The following RABGAP1L variants were observed in gnomAD, a reference collection of about 807,000 sequenced individuals.
The protein encoded by RABGAP1L is RAB GTPase activating protein 1 like.
Under a neutral mutation model 137.7 loss-of-function variants are expected in RABGAP1L, and 63 were observed. That is an observed-to-expected ratio of 0.46 (90% CI 0.37 to 0.56). The LOEUF (loss-of-function observed/expected upper bound fraction) is 0.56, where lower values mean the gene tolerates loss of function less well. Among genes scored for constraint, RABGAP1L ranks in the 20% least tolerant of loss-of-function variants. The probability of loss-of-function intolerance (pLI) is 0.00; values close to 1 mark genes in which losing one functional copy is unlikely to be tolerated. For synonymous variants in RABGAP1L, 431 were observed against 433.7 expected, an observed-to-expected ratio of 0.99 and a Z score of 0.08; for missense variants, 1,095 against 1,244.0, an observed-to-expected ratio of 0.88 and a Z score of 1.80.
At chr1:174,539,154 A>C (rs1239509460) in intron 13 of RABGAP1L, among the ~76,000 whole-genome samples, 1 of 152,082 alleles carries the variant, frequency 6.6e-6, no homozygotes, top group Non-Finnish European at 1.5e-5. Flanking sequence ...ATACATATTT[A>C]TTATTTTTAT....
intron 19 of RABGAP1L, among the ~76,000 whole-genome samples, chr1:174,873,787 G>A: frequency 6.6e-6 from 1 of 152,192 alleles, no homozygotes. Flanking sequence ...GGGATTACAG[G>A]TGTGAGCCAC....
intron 18 of RABGAP1L, among the ~76,000 whole-genome samples, chr1:174,807,541 A>G (rs1375125220): frequency 1.3e-5 from 2 of 152,218 alleles, no homozygotes; most frequent in Admixed American, 1.3e-4. Context: ...TAATCTGCTT[A>G]TGGCATTACA....
At chr1:174,667,413 T>C (rs1360943338) in intron 14 of RABGAP1L, among the ~76,000 whole-genome samples, 1 of 152,208 alleles carries the variant, frequency 6.6e-6, no homozygotes, top group East Asian at 1.9e-4. Context: ...TGGGTTCAAA[T>C]GGTGATTCTA....
At chr1:174,622,416 G>T (rs1287627058) in intron 13 of RABGAP1L, among the ~76,000 whole-genome samples, 1 of 152,150 alleles carries the variant, frequency 6.6e-6, no homozygotes, top group Non-Finnish European at 1.5e-5. Context: ...TATGTTTATT[G>T]CGGCACTATT....
rs142570821 is a variant in RABGAP1L at position 174,316,215 on chromosome 1, T to A, written c.1465+11088T>A. On this transcript the variant is annotated intron_variant, in intron 11 of 25. Coordinates refer to ENST00000681986, the MANE Select transcript of RABGAP1L (RefSeq NM_001366446.1). The stretch of plus-strand genomic sequence containing the variant: ...TTCTCTTTCTGAAGTTTCACATATC[T>A]CTGTTTCTTCAGGAATGGTCCCTGG... 1.1e-4 allele frequency among the ~76,000 whole-genome samples: 16 copies of A among 152,364 alleles called. No homozygotes were observed. In the East Asian group the frequency reaches 2.9e-3, roughly 28 times the overall value.
At chr1:174,602,566 A>G (rs1670495289) in intron 13 of RABGAP1L, among the ~76,000 whole-genome samples, 1 of 152,188 alleles carries the variant, frequency 6.6e-6, no homozygotes, top group Non-Finnish European at 1.5e-5. Flanking sequence ...ATATCAGGCC[A>G]GTAACTCATA....
chr1:174,723,376 A>C lies in RABGAP1L; in HGVS notation c.2169+21120A>C, dbSNP rs151261615. 1.4e-3 allele frequency among the ~76,000 whole-genome samples: 214 copies of C among 152,314 alleles called. 1 individual carries two copies. Among genetic ancestry groups the C allele is most frequent in the African/African-American group, 4.8e-3 (199 of 41,576 alleles). On this transcript the variant is annotated intron_variant, in intron 17 of 25. Coordinates refer to ENST00000681986, the MANE Select transcript of RABGAP1L (RefSeq NM_001366446.1). ...AGGCATGAGCCACTGTGCCCGTCCA[A>C]AATTTTTGTAAGTCAAAATTTTTTG...
chr1:174,575,341 T>C (rs1355151417), intron 13 of RABGAP1L, among the ~76,000 whole-genome samples: 1 of 152,206 alleles, frequency 6.6e-6, no homozygotes, highest in Non-Finnish European at 1.5e-5. Context: ...TCGGTTGTTG[T>C]TTTGACCCTT....
intron 13 of RABGAP1L, among the ~76,000 whole-genome samples, chr1:174,483,172 A>G (rs1659287491): frequency 6.6e-6 from 1 of 152,126 alleles, no homozygotes; most frequent in East Asian, 1.9e-4. Context: ...AAAATGTAGA[A>G]TTTATTTTTG....
rs1298605041 is a variant in RABGAP1L at position 174,812,348 on chromosome 1, G to A, written c.2340+388G>A. On this transcript the variant is annotated intron_variant, in intron 19 of 25. Transcript: ENST00000681986. The stretch of plus-strand genomic sequence containing the variant: ...ATGCTTTCATTTCTCTAAGTGACTT[G>A]GAAAGTTTGAGTCTTGATCTGCCCA... Among the ~76,000 whole-genome samples the A allele has an allele frequency of 3.3e-5, 5 of 152,342 alleles. No homozygotes were observed. In the East Asian group the frequency reaches 9.6e-4, roughly 29 times the overall value.
chr1:174,874,608 T>A, intron 19 of RABGAP1L: 1 of 638,432 alleles, frequency 1.6e-6, no homozygotes, highest in Non-Finnish European at 1.9e-6. Flanking sequence ...TTTTTTCCAA[T>A]GCAGTTGCGT....
chr1:174,351,773 G>A (rs1683211212), intron 11 of RABGAP1L, among the ~76,000 whole-genome samples: 4 of 144,296 alleles, frequency 2.8e-5, no homozygotes, highest in Admixed American at 2.7e-4. Context: ...CTACGTTTGG[G>A]AAGTTCTCTG....
chr1:174,760,659 C>G (rs1438461009), intron 18 of RABGAP1L, among the ~76,000 whole-genome samples: 1 of 152,132 alleles, frequency 6.6e-6, no homozygotes, highest in African/African-American at 2.4e-5. Context: ...TATGGTAGAA[C>G]AGTTTATATT....
chr1:174,219,047 C>G, intron 1 of RABGAP1L, 78 bp from the exon 2 acceptor site: 3 of 1,111,104 alleles, frequency 2.7e-6, no homozygotes, highest in East Asian at 2.6e-5. Flanking sequence ...ATTTTTAAAG[C>G]TTTATTAGTT....
chr1:174,314,069 G>A (rs1679130354), intron 11 of RABGAP1L, among the ~76,000 whole-genome samples: 1 of 152,146 alleles, frequency 6.6e-6, no homozygotes, highest in African/African-American at 2.4e-5. Context: ...CTGTTTTGCA[G>A]TAGTTCGATT....
chr1:174,887,109 G>A (rs1484698997), intron 19 of RABGAP1L, among the ~76,000 whole-genome samples: 1 of 152,012 alleles, frequency 6.6e-6, no homozygotes, highest in Admixed American at 6.6e-5. Flanking sequence ...CTGGCCTCAC[G>A]CTTTGGCTTT....
chr1:174,681,090 A>G (rs1210224678), intron 14 of RABGAP1L, among the ~76,000 whole-genome samples: 1 of 152,214 alleles, frequency 6.6e-6, no homozygotes, highest in African/African-American at 2.4e-5. Context: ...AAGTGAAGCA[A>G]GGGGTGCTCT....
At chr1:174,607,859 A>G (rs1237118806) in intron 13 of RABGAP1L, among the ~76,000 whole-genome samples, 3 of 152,352 alleles carry the variant, frequency 2.0e-5, no homozygotes, top group Non-Finnish European at 4.4e-5. Flanking sequence ...TTCTTTGGTT[A>G]TTCTTTCCTA....
chr1:174,788,996 G>A (rs1263602290), intron 18 of RABGAP1L, among the ~76,000 whole-genome samples: 1 of 152,170 alleles, frequency 6.6e-6, no homozygotes, highest in Non-Finnish European at 1.5e-5. Flanking sequence ...GTTCAGGTGT[G>A]AGCCACTGCA....
Sources: allele counts gnomAD v4.1 joint callset (sites outside exome capture counted in the v4.1 genomes callset), GRCh38; gene constraint gnomAD v4.1.1; transcripts MANE v1.5; gene names NCBI Gene and HGNC (gene_info 2026-07-23, HGNC 2026-07-21).